Variants in GABRG3 observed in about 807,000 individuals in gnomAD.
GABRG3 encodes gamma-aminobutyric acid type A receptor subunit gamma3.
Under a neutral mutation model 48.8 loss-of-function variants are expected in GABRG3, and 25 were observed. The ratio of observed to expected loss-of-function variants is 0.51; its 90% CI spans 0.37 to 0.72. The LOEUF (loss-of-function observed/expected upper bound fraction) is 0.72, where lower values mean the gene tolerates loss of function less well. GABRG3 is among the 30% of genes least tolerant of loss of function. GABRG3 has a pLI of 0.00. For missense variants in GABRG3, 394 were observed against 577.9 expected (o/e 0.68, Z 3.26); for synonymous variants, 227 against 217.6 (o/e 1.04, Z -0.38).
chr15:27,453,894 A>C (rs1332528516), intron 5 of GABRG3, among the ~76,000 whole-genome samples: 2 of 152,076 alleles, frequency 1.3e-5, no homozygotes, highest in Non-Finnish European at 2.9e-5. Context: ...GAGCCACCAC[A>C]CCCAGCCAAC....
chr15:27,275,208 T>G (rs1223505774), intron 3 of GABRG3, among the ~76,000 whole-genome samples: 1 of 152,196 alleles, frequency 6.6e-6, no homozygotes, highest in African/African-American at 2.4e-5. Flanking sequence ...TTAAGTAGAT[T>G]TGCAGTCTAT....
intron 3 of GABRG3, among the ~76,000 whole-genome samples, chr15:27,168,631 G>A (rs1023832171): frequency 6.6e-6 from 1 of 152,100 alleles, no homozygotes; most frequent in African/African-American, 2.4e-5. Context: ...GGTCCCAGTG[G>A]GGAGCCTTCG....
At chr15:27,268,336 C>T (rs901546460) in intron 3 of GABRG3, among the ~76,000 whole-genome samples, 4 of 152,106 alleles carry the variant, frequency 2.6e-5, no homozygotes, top group Non-Finnish European at 5.9e-5. Context: ...TTTAAAATAT[C>T]CTCTTATTCT....
intron 5 of GABRG3, among the ~76,000 whole-genome samples, chr15:27,401,116 C>T (rs142892116): frequency 7.4e-4 from 113 of 152,266 alleles, no homozygotes; most frequent in African/African-American, 2.6e-3. Flanking sequence ...TTTCTCACAT[C>T]GTATTACAAT....
At chr15:27,504,647 C>T (rs1013004546) in intron 6 of GABRG3, among the ~76,000 whole-genome samples, 2 of 151,966 alleles carry the variant, frequency 1.3e-5, no homozygotes, top group South Asian at 2.1e-4. Context: ...TTACCATTTC[C>T]GGGACTGACA....
At chr15:27,407,172 C>A (rs564974329) in intron 5 of GABRG3, among the ~76,000 whole-genome samples, 1 of 152,244 alleles carries the variant, frequency 6.6e-6, no homozygotes, top group South Asian at 2.1e-4. Context: ...GTGATCCACC[C>A]AACTTGGCCT....
intron 6 of GABRG3, among the ~76,000 whole-genome samples, chr15:27,489,579 T>C (rs1179435933): frequency 2.0e-5 from 3 of 152,222 alleles, no homozygotes; most frequent in Non-Finnish European, 4.4e-5. Context: ...CTAACTGACA[T>C]GAGAGGGTAT....
chr15:27,020,532 C>T (rs1005959052), intron 2 of GABRG3, among the ~76,000 whole-genome samples: 2 of 152,166 alleles, frequency 1.3e-5, no homozygotes, highest in African/African-American at 4.8e-5. Context: ...CTGCCTCAGC[C>T]TCCTGAGTAG....
chr15:27,159,832 AT>A (rs1443245326), intron 3 of GABRG3, among the ~76,000 whole-genome samples: 1 of 152,162 alleles, frequency 6.6e-6, no homozygotes, highest in Non-Finnish European at 1.5e-5. Flanking sequence ...GGTCGCATAG[AT>A]TATGTTTGTC....
intron 3 of GABRG3, among the ~76,000 whole-genome samples, chr15:27,037,436 A>G (rs1896199013): frequency 6.6e-6 from 1 of 152,142 alleles, no homozygotes; most frequent in Admixed American, 6.5e-5. Flanking sequence ...GGTCAGAGGC[A>G]CTCTGTCTTA....
chr15:27,178,249 T>C (rs970293937), intron 3 of GABRG3, among the ~76,000 whole-genome samples: 7 of 152,354 alleles, frequency 4.6e-5, no homozygotes, highest in African/African-American at 1.7e-4. Context: ...GGTTTGGTTG[T>C]GTGAGTCACA....
chr15:27,473,540 A>G (rs180836794), intron 5 of GABRG3, among the ~76,000 whole-genome samples: 50 of 152,334 alleles, frequency 3.3e-4, no homozygotes, highest in South Asian at 1.2e-3. Flanking sequence ...GTTTTACTTA[A>G]TCTATGAAGT....
chr15:27,250,142 G>A (rs956007183), intron 3 of GABRG3, among the ~76,000 whole-genome samples: 1 of 152,086 alleles, frequency 6.6e-6, no homozygotes, highest in African/African-American at 2.4e-5. Context: ...CCAGCCACGT[G>A]TGAGTTCAGG....
chr15:27,320,748 A>C (rs1011601096), intron 3 of GABRG3, among the ~76,000 whole-genome samples: 2 of 152,182 alleles, frequency 1.3e-5, no homozygotes, highest in African/African-American at 2.4e-5. Context: ...TAATAAAAAT[A>C]AGATCTATTC....
chr15:27,386,377 CAGCTT>C (rs1292745314), intron 5 of GABRG3, among the ~76,000 whole-genome samples: 5 of 152,162 alleles, frequency 3.3e-5, no homozygotes, highest in Non-Finnish European at 4.4e-5. Context: ...AGATGAGTGA[CAGCTT>C]AGCAAGGCTC....
chr15:27,040,066 C>T (rs1243507973), intron 3 of GABRG3, among the ~76,000 whole-genome samples: 1 of 152,246 alleles, frequency 6.6e-6, no homozygotes, highest in East Asian at 1.9e-4. Flanking sequence ...CCCTTCAGCC[C>T]ACACCTTGGC....
chr15:27,515,581 T>C (rs1890999706), intron 6 of GABRG3, among the ~76,000 whole-genome samples: 1 of 152,132 alleles, frequency 6.6e-6, no homozygotes, highest in South Asian at 2.1e-4. Context: ...AGGCTGGATG[T>C]ATCTGTAAGT....
chr15:27,211,405 C>T (rs755413281), intron 3 of GABRG3, among the ~76,000 whole-genome samples: 14 of 152,256 alleles, frequency 9.2e-5, no homozygotes, highest in South Asian at 2.1e-4. Context: ...ATCCGTGAAG[C>T]GTGGAGCCGC....
At chr15:27,230,418 C>G (rs1595600287) in intron 3 of GABRG3, among the ~76,000 whole-genome samples, 1 of 152,260 alleles carries the variant, frequency 6.6e-6, no homozygotes, top group East Asian at 1.9e-4. Flanking sequence ...AAGACATACC[C>G]TTTATGTGCT....
Sources: gnomAD v4.1 joint callset for allele counts (sites outside exome capture counted in the v4.1 genomes callset) on GRCh38, gnomAD v4.1.1 for gene constraint, MANE v1.5 for transcripts, NCBI Gene and HGNC (gene_info 2026-07-23, HGNC 2026-07-21) for gene names.